KIAA0513: variants seen among roughly 807,000 people sequenced by gnomAD.
KIAA0513 encodes KIAA0513, also known as uncharacterized protein KIAA0513.
KIAA0513 carries 39 observed loss-of-function variants against 56.5 expected under a neutral mutation model. The ratio of observed to expected loss-of-function variants is 0.69; its 90% CI spans 0.53 to 0.90. The LOEUF is 0.90. KIAA0513 is among the 40% of genes least tolerant of loss of function. KIAA0513 has a pLI of 0.00. For missense variants in KIAA0513, 591 were observed against 535.2 expected (o/e 1.10, Z -1.03); for synonymous variants, 268 against 215.6 (o/e 1.24, Z -2.13).
chr16:85,056,770 G>A (rs9939606), intron 1 of KIAA0513, among the ~76,000 whole-genome samples: 11,054 of 152,256 alleles, frequency 0.073, 414 homozygotes, highest in African/African-American at 0.1. Flanking sequence ...TGTGATCATA[G>A]CTTACTGTAG....
At chr16:85,043,699 TACC>T (rs1176307413) in intron 1 of KIAA0513, among the ~76,000 whole-genome samples, 1 of 152,092 alleles carries the variant, frequency 6.6e-6, no homozygotes. Flanking sequence ...AGGTGTGAGC[TACC>T]ATGCCTGGCC....
chr16:85,079,230 A>G (rs1321205439), intron 8 of KIAA0513: 4 of 905,042 alleles, frequency 4.4e-6, no homozygotes, highest in African/African-American at 3.3e-5. Context: ...CCGCTGAGAA[A>G]CAGTCTGGCA....
At chr16:85,036,164 T>G (rs1414786037) in intron 1 of KIAA0513, among the ~76,000 whole-genome samples, 1 of 152,160 alleles carries the variant, frequency 6.6e-6, no homozygotes, top group African/African-American at 2.4e-5. Flanking sequence ...GTTTGTTTCT[T>G]TAACAGCTTA....
Position 85,092,765 on chromosome 16 carries a change from AC to A in KIAA0513, c.*4444del, listed in dbSNP as rs1403685199. 1 of 152,072 alleles carries A rather than the reference AC, an allele frequency of 6.6e-6. No individual in the cohort carries two copies. The highest frequency in any genetic ancestry group is 1.5e-5 in the Non-Finnish European group (1 of 68,060). The allele number at this position is 152,072 out of a possible 1,614,324, so 9.4% of individuals were successfully genotyped here. A position where few individuals can be genotyped will look rare whatever the true frequency, so the allele number is the denominator to read the frequency against. The stretch of plus-strand genomic sequence containing the variant: ...GAAAGGGGAGTCGGATGCCAGCTGC[AC>A]CCCGCCTGGCTCGCACAGGCTAAGA... On this transcript the variant is annotated 3_prime_UTR_variant, in exon 13 of 13. Transcript: ENST00000683363.
intron 10 of KIAA0513, among the ~76,000 whole-genome samples, chr16:85,085,849 A>G (rs528987793): frequency 1.3e-4 from 20 of 152,322 alleles, no homozygotes; most frequent in African/African-American, 3.1e-4. Flanking sequence ...AGCTCGTGCA[A>G]ACCTCGGCCG....
In KIAA0513 at chr16:85,081,531, T is replaced by A; in HGVS notation, c.980+139T>A. On this transcript the variant is annotated intron_variant, in intron 9 of 12. Transcript: ENST00000683363. This position sits in a 1 kb window ranked among gnomAD's most constrained non-coding sequence, Gnocchi z 4.4. ...TTTCTTCACCCCCTCATGGCCCTGG[T>A]GCCTCGCAAGCTGCCTGAGGGGTCA... 1 of 776,930 alleles carries A rather than the reference T, an allele frequency of 1.3e-6. No homozygotes were observed. The highest frequency in any genetic ancestry group is 2.2e-6 in the Non-Finnish European group (1 of 457,750). The allele number at this position is 776,930 out of a possible 1,614,324, so 48.1% of individuals were successfully genotyped here. A position where few individuals can be genotyped will look rare whatever the true frequency, so the allele number is the denominator to read the frequency against.
Position 85,067,289 on chromosome 16 carries a change from C to G in KIAA0513, c.218C>G (p.Ser73Cys). The G allele has an allele frequency of 6.2e-7, 1 of 1,613,772 alleles. No homozygotes were observed. Among genetic ancestry groups the G allele is most frequent in the Non-Finnish European group, 8.5e-7 (1 of 1,180,026 alleles). The change falls in exon 2 of 13, where the codon TCC (serine) becomes TGC (cysteine). Residue 73 changes from serine to cysteine, a missense_variant. Transcript: ENST00000683363. ...HPSWDQDRRS[S>C]SNESFSSNQS... ...TCCTGGGACCAAGACCGCCGTTCCTCCTCCAACGAGTCCTTCTCCTCCAAC... is the reference window on the plus strand; with the variant it reads ...TCCTGGGACCAAGACCGCCGTTCCTGCTCCAACGAGTCCTTCTCCTCCAAC...
At chr16:85,041,578 A>G (rs2073104196) in intron 1 of KIAA0513, among the ~76,000 whole-genome samples, 1 of 152,190 alleles carries the variant, frequency 6.6e-6, no homozygotes, top group Non-Finnish European at 1.5e-5. Flanking sequence ...GATGGTTGCC[A>G]AGTGAATGGC....
At chr16:85,068,028 C>T (rs748556837) in intron 2 of KIAA0513, among the ~76,000 whole-genome samples, 38 of 152,058 alleles carry the variant, frequency 2.5e-4, no homozygotes, top group Non-Finnish European at 5.0e-4. Flanking sequence ...TCAAGCTGGT[C>T]TCGAACTCCT....
chr16:85,078,463 T>C lies in KIAA0513; in HGVS notation c.823+8T>C. 1 of 1,613,188 alleles carries C rather than the reference T, an allele frequency of 6.2e-7. No individual in the cohort carries two copies. The highest frequency in any genetic ancestry group is 1.7e-5 in the Admixed American group (1 of 60,016). ...AGAAGCGGCCCAGGGCTGGTGAGTC[T>C]GCCCAGGCAGCAGCAGGAGACGCCC... On this transcript the variant is annotated splice_region_variant and intron_variant, in intron 7 of 12. Coordinates refer to ENST00000683363, the MANE Select transcript of KIAA0513 (RefSeq NM_001388359.1).
At chr16:85,031,903 G>A (rs7202939) in intron 1 of KIAA0513, among the ~76,000 whole-genome samples, 14,532 of 152,114 alleles carry the variant, frequency 0.096, 1,229 homozygotes, top group African/African-American at 0.22. Context: ...TACTAGAGAC[G>A]GTGAAACCTA....
chr16:85,056,671 C>G (rs1490247480), intron 1 of KIAA0513, among the ~76,000 whole-genome samples: 1 of 152,144 alleles, frequency 6.6e-6, no homozygotes, highest in African/African-American at 2.4e-5. Context: ...GGTGCTGGCC[C>G]CCTCTGCTCA....
chr16:85,058,395 T>A (rs2073358803), intron 1 of KIAA0513, among the ~76,000 whole-genome samples: 2 of 152,148 alleles, frequency 1.3e-5, no homozygotes, highest in Non-Finnish European at 2.9e-5. Context: ...GGCTCATGCC[T>A]ATAATCCCAG....
rs2073849715 is a variant in KIAA0513 at position 85,089,764 on chromosome 16, C to T, written c.*1439C>T. ...CTGAGAGTCACTTACCCGGCCACTG[C>T]TTGGAAGGTTTCCCTCCGGGGAATG... On this transcript the variant is annotated 3_prime_UTR_variant, in exon 13 of 13. Coordinates refer to ENST00000683363, the MANE Select transcript of KIAA0513 (RefSeq NM_001388359.1). The surrounding 1 kb of genome is among the most constrained non-coding windows in gnomAD (Gnocchi z 4.2). 6.6e-6 allele frequency: 1 copy of T among 152,142 alleles called. No homozygotes were observed. The highest frequency in any genetic ancestry group is 1.5e-5 in the Non-Finnish European group (1 of 68,058). The allele number at this position is 152,142 out of a possible 1,614,324, so 9.4% of individuals were successfully genotyped here. A position where few individuals can be genotyped will look rare whatever the true frequency, so the allele number is the denominator to read the frequency against.
At chr16:85,058,850 T>G (rs1208224696) in intron 1 of KIAA0513, among the ~76,000 whole-genome samples, 1 of 152,222 alleles carries the variant, frequency 6.6e-6, no homozygotes, top group Non-Finnish European at 1.5e-5. Flanking sequence ...ACTCTGCAGA[T>G]GAATTTGTCA....
chr16:85,077,663 G>T (rs962809658), intron 6 of KIAA0513, 31 bp downstream of exon 6: 1 of 1,535,054 alleles, frequency 6.5e-7, no homozygotes, highest in Admixed American at 1.8e-5. Context: ...CCTCCCACCT[G>T]CAGGGGACTG....
At chr16:85,087,919 C>T (rs896623183) in intron 12 of KIAA0513, among the ~76,000 whole-genome samples, 4 of 152,256 alleles carry the variant, frequency 2.6e-5, no homozygotes, top group Admixed American at 6.5e-5. Context: ...CCACCTCTCC[C>T]GCTCCCCAGG....
chr16:85,031,650 C>G (rs998313227), intron 1 of KIAA0513, among the ~76,000 whole-genome samples: 1 of 152,180 alleles, frequency 6.6e-6, no homozygotes, highest in Non-Finnish European at 1.5e-5. Flanking sequence ...CTTCCTGTGC[C>G]TTCCGTGTGC....
At chr16:85,085,813 G>C (rs945823281) in intron 10 of KIAA0513, among the ~76,000 whole-genome samples, 1 of 152,228 alleles carries the variant, frequency 6.6e-6, no homozygotes, top group Non-Finnish European at 1.5e-5. Flanking sequence ...TGCGGAGAAC[G>C]CATCAGGGTC....
Sources: allele counts gnomAD v4.1 joint callset (sites outside exome capture counted in the v4.1 genomes callset), GRCh38; gene constraint gnomAD v4.1.1; non-coding constraint Gnocchi (gnomAD v3.1); transcripts MANE v1.5; gene names NCBI Gene and HGNC (gene_info 2026-07-23, HGNC 2026-07-21).